The following COL25A1 variants were observed in gnomAD, a reference collection of about 807,000 sequenced individuals.
The protein encoded by COL25A1 is collagen type XXV alpha 1 chain, also known as collagen alpha-1(XXV) chain.
A neutral mutation model predicts 128.4 loss-of-function variants in COL25A1; 103 were observed. The observed-to-expected ratio is 0.80, with a 90% CI of 0.68 to 0.94. The LOEUF (loss-of-function observed/expected upper bound fraction) is 0.94. Ranked by LOEUF, COL25A1 falls within the 40% of genes least tolerant of loss-of-function variation. The pLI, the probability that COL25A1 is intolerant of heterozygous loss-of-function variation, is 0.00. For synonymous variants in COL25A1, 279 were observed against 277.2 expected (o/e 1.01, Z -0.06); for missense variants, 745 against 840.0 (o/e 0.89, Z 1.40).
In COL25A1 at chr4:108,813,694, T is replaced by C; in HGVS notation, c.*233A>G. The C allele has an allele frequency of 2.3e-6, 1 of 442,632 alleles. No homozygotes were observed. Among genetic ancestry groups the C allele is most frequent in the Non-Finnish European group, 4.1e-6 (1 of 244,310 alleles). The allele number at this position is 442,632 out of a possible 1,614,324, so 27.4% of individuals were successfully genotyped here. A position where few individuals can be genotyped will look rare whatever the true frequency, so the allele number is the denominator to read the frequency against. ...GTCCATATAAATACGTATCTTCACATAAGATAAGGAGATACTGATCTATAT... is the reference window on the plus strand; with the variant it reads ...GTCCATATAAATACGTATCTTCACACAAGATAAGGAGATACTGATCTATAT... On this transcript the variant is annotated 3_prime_UTR_variant, in exon 38 of 38. Coordinates refer to ENST00000399132, the MANE Select transcript of COL25A1 (RefSeq NM_198721.4).
chr4:109,002,080 A>G (rs748306862), intron 6 of COL25A1, among the ~76,000 whole-genome samples: 1 of 152,206 alleles, frequency 6.6e-6, no homozygotes, highest in Non-Finnish European at 1.5e-5. Flanking sequence ...AAGGATGTAG[A>G]GCAAAGGGAA....
At chr4:108,933,624 T>C (rs1747025317) in intron 11 of COL25A1, among the ~76,000 whole-genome samples, 1 of 152,200 alleles carries the variant, frequency 6.6e-6, no homozygotes. Flanking sequence ...TCACTAGACA[T>C]TTGTTTTAAT....
chr4:109,228,257 AG>A (rs1376481347), intron 3 of COL25A1, among the ~76,000 whole-genome samples: 1 of 152,160 alleles, frequency 6.6e-6, no homozygotes, highest in East Asian at 1.9e-4. Flanking sequence ...CCAGGTTTCT[AG>A]GTACTCCTTA....
intron 6 of COL25A1, among the ~76,000 whole-genome samples, chr4:108,990,740 T>C (rs1042420053): frequency 6.6e-6 from 1 of 152,170 alleles, no homozygotes; most frequent in Non-Finnish European, 1.5e-5. Flanking sequence ...CAGTTATATA[T>C]GTGTGCCAGT....
At chr4:108,953,571 G>A (rs1192980264) in intron 8 of COL25A1, among the ~76,000 whole-genome samples, 2 of 152,130 alleles carry the variant, frequency 1.3e-5, no homozygotes, top group African/African-American at 4.8e-5. Context: ...GGGGAGACTT[G>A]GCTGAATAGA....
Position 109,244,621 on chromosome 4 carries a change from A to T in COL25A1, c.367+55962T>A, listed in dbSNP as rs149138892. Among the ~76,000 whole-genome samples the T allele has an allele frequency of 3.3e-5, 5 of 152,298 alleles. No homozygotes were observed. The East Asian group carries it at 5.8e-4, about 18-fold the overall frequency. On this transcript the variant is annotated intron_variant, in intron 3 of 37. Transcript: ENST00000399132. The stretch of plus-strand genomic sequence containing the variant: ...AGGCAACCGATCACTTTTTAAAAAA[A>T]TACCCAAGATGCAGTATTTTTAGAA...
At chr4:109,073,274 T>C (rs1250082615) in intron 3 of COL25A1, among the ~76,000 whole-genome samples, 1 of 152,182 alleles carries the variant, frequency 6.6e-6, no homozygotes, top group Non-Finnish European at 1.5e-5. Context: ...TTTCAAATCC[T>C]GAATGTAACT....
At chr4:109,282,306 T>C (rs948883971) in intron 3 of COL25A1, among the ~76,000 whole-genome samples, 2 of 152,164 alleles carry the variant, frequency 1.3e-5, no homozygotes, top group Non-Finnish European at 2.9e-5. Flanking sequence ...TGCAAAACCT[T>C]CAGGACAAAA....
rs751914890 is a variant in COL25A1, at chr4:108,889,209, T to C, written c.975+12A>G. ...TGAGACAGTAGGAACACACTAGAGA[T>C]AGAGATATTACCTTTTGCCCTGGAC... On this transcript the variant is annotated intron_variant, in intron 18 of 37. Coordinates refer to ENST00000399132, the MANE Select transcript of COL25A1 (RefSeq NM_198721.4). The C allele has an allele frequency of 8.7e-6, 14 of 1,611,092 alleles. No individual in the cohort carries two copies. In the East Asian group the frequency reaches 1.1e-4, roughly 13 times the overall value.
chr4:109,254,478 T>C (rs1028028475), intron 3 of COL25A1, among the ~76,000 whole-genome samples: 3 of 93,156 alleles, frequency 3.2e-5, no homozygotes, highest in East Asian at 7.7e-4. Context: ...TTTATATATA[T>C]ATATATATAT....
At chr4:109,009,663 CATT>C (rs1462134147) in intron 6 of COL25A1, among the ~76,000 whole-genome samples, 1 of 152,104 alleles carries the variant, frequency 6.6e-6, no homozygotes, top group East Asian at 1.9e-4. Context: ...AAAAGTAAAA[CATT>C]AATAACTGCA....
At chr4:109,200,430 T>C (rs1776462176) in intron 3 of COL25A1, among the ~76,000 whole-genome samples, 1 of 152,122 alleles carries the variant, frequency 6.6e-6, no homozygotes, top group South Asian at 2.1e-4. Flanking sequence ...ATTTCTGATA[T>C]GGTATCATTT....
intron 3 of COL25A1, among the ~76,000 whole-genome samples, chr4:109,272,883 G>A (rs1276458083): frequency 6.6e-6 from 1 of 152,166 alleles, no homozygotes; most frequent in Admixed American, 6.5e-5. Flanking sequence ...CAGGTCTGAG[G>A]GAGTGAAGGC....
Position 108,920,575 on chromosome 4 carries a change from T to C in COL25A1, c.735+3A>G. The C allele has an allele frequency of 6.2e-7, 1 of 1,602,246 alleles. No homozygotes were observed. The highest frequency in any genetic ancestry group is 8.5e-7 in the Non-Finnish European group (1 of 1,171,474). On this transcript the variant is annotated splice_donor_region_variant and intron_variant, in intron 12 of 37. Transcript: ENST00000399132. ...TTTCACAATATTGTTGTTTATACTCTACCTTTTGTCCCGGAGGCCCTAGAG... is the reference window on the plus strand; with the variant it reads ...TTTCACAATATTGTTGTTTATACTCCACCTTTTGTCCCGGAGGCCCTAGAG...
chr4:109,073,167 T>C (rs1763117082), intron 3 of COL25A1, among the ~76,000 whole-genome samples: 2 of 152,100 alleles, frequency 1.3e-5, no homozygotes, highest in African/African-American at 2.4e-5. Context: ...CGCATGTGCA[T>C]GGGTGTTTGG....
chr4:108,944,241 T>C (rs2125933544), intron 8 of COL25A1, among the ~76,000 whole-genome samples: 1 of 152,322 alleles, frequency 6.6e-6, no homozygotes, highest in South Asian at 2.1e-4. Flanking sequence ...TTCTTCTCTC[T>C]AAATACAAGT....
At chr4:108,935,706 A>T (rs1747317610) in intron 11 of COL25A1, among the ~76,000 whole-genome samples, 1 of 152,202 alleles carries the variant, frequency 6.6e-6, no homozygotes, top group South Asian at 2.1e-4. Flanking sequence ...ATAATAATGC[A>T]AGTGATTTAG....
intron 13 of COL25A1, among the ~76,000 whole-genome samples, chr4:108,916,840 C>A (rs898432680): frequency 6.6e-6 from 1 of 152,148 alleles, no homozygotes; most frequent in Non-Finnish European, 1.5e-5. Context: ...CGGTTAACTG[C>A]TGGCGAGTGT....
At chr4:109,025,490 T>C (rs1043419773) in intron 5 of COL25A1, among the ~76,000 whole-genome samples, 2 of 152,232 alleles carry the variant, frequency 1.3e-5, no homozygotes, top group African/African-American at 4.8e-5. Flanking sequence ...CTAAATATTG[T>C]GCACAAAGAC....
Sources: allele counts gnomAD v4.1 joint callset (sites outside exome capture counted in the v4.1 genomes callset), GRCh38; gene constraint gnomAD v4.1.1; transcripts MANE v1.5; gene names NCBI Gene and HGNC (gene_info 2026-07-23, HGNC 2026-07-21).